KIF13B: variants seen among roughly 807,000 people sequenced by gnomAD.
KIF13B encodes the protein kinesin-like protein KIF13B.
A neutral mutation model predicts 222.0 loss-of-function variants in KIF13B; 127 were observed. The ratio of observed to expected loss-of-function variants is 0.57; its 90% CI spans 0.50 to 0.66. KIF13B has a LOEUF of 0.66. Among genes scored for constraint, KIF13B ranks in the 30% least tolerant of loss-of-function variants. The pLI is 0.00. For missense variants in KIF13B, 2,173 were observed against 2,379.0 expected (o/e 0.91, Z 1.80); for synonymous variants, 976 against 919.0 (o/e 1.06, Z -1.12).
intron 21 of KIF13B, among the ~76,000 whole-genome samples, chr8:29,139,000 C>T (rs1003202151): frequency 6.6e-6 from 1 of 152,026 alleles, no homozygotes; most frequent in Non-Finnish European, 1.5e-5. Context: ...GAACTATTTA[C>T]AGATAAGATA....
At position 29,132,467 on chromosome 8, in the gene KIF13B, T is replaced by C; in HGVS notation, c.2785-2A>G. 1 of 1,493,386 alleles carries C rather than the reference T, an allele frequency of 6.7e-7. No homozygotes were observed. The highest frequency in any genetic ancestry group is 1.4e-5 in the South Asian group (1 of 71,884). 92.5% of individuals were successfully genotyped at this position (1,493,386 alleles called of 1,614,324 possible). On this transcript the variant is annotated splice_acceptor_variant, in intron 22 of 39. Transcript: ENST00000524189. LOFTEE classifies it high-confidence loss of function. ...TTCGGTGATGTTAACAGAAAACTCC[T>C]GAAACACAACAGCTAATTACAGAAG...
At chr8:29,157,392 CAAAAA>C (rs371702237) in intron 13 of KIF13B, among the ~76,000 whole-genome samples, 2 of 89,182 alleles carry the variant, frequency 2.2e-5, no homozygotes. Flanking sequence ...TCGTCTCTAC[CAAAAA>C]AAAAAAAAAA....
chr8:29,200,332 C>T (rs772444164), intron 2 of KIF13B, among the ~76,000 whole-genome samples: 12 of 152,200 alleles, frequency 7.9e-5, no homozygotes, highest in Admixed American at 3.9e-4. Context: ...TTAGAAACCT[C>T]AACTATCCAG....
intron 37 of KIF13B, among the ~76,000 whole-genome samples, chr8:29,083,683 T>G (rs1178594070): frequency 6.6e-6 from 1 of 152,156 alleles, no homozygotes; most frequent in Non-Finnish European, 1.5e-5. Flanking sequence ...CTTTTAACAA[T>G]GACAGGAGTG....
chr8:29,233,597 C>G (rs527467881), intron 2 of KIF13B, among the ~76,000 whole-genome samples: 6 of 152,278 alleles, frequency 3.9e-5, no homozygotes, highest in African/African-American at 1.4e-4. Context: ...TATCAAAACC[C>G]CTTTACACTC....
At chr8:29,111,945 C>T (rs1424594772) in intron 32 of KIF13B, among the ~76,000 whole-genome samples, 2 of 152,152 alleles carry the variant, frequency 1.3e-5, no homozygotes, top group African/African-American at 4.8e-5. Flanking sequence ...GACCGTGCAA[C>T]GACTAACTCT....
chr8:29,188,470 T>C, intron 5 of KIF13B, 45 bp downstream of exon 5: 1 of 1,197,096 alleles, frequency 8.4e-7, no homozygotes, highest in Non-Finnish European at 1.2e-6. Context: ...TTCTATTTTC[T>C]TTCATTGATG....
intron 2 of KIF13B, among the ~76,000 whole-genome samples, chr8:29,205,866 T>G (rs1412298496): frequency 2.0e-5 from 3 of 151,858 alleles, no homozygotes; most frequent in Non-Finnish European, 4.4e-5. Context: ...GAGGATCACT[T>G]GATCCCAGGA....
At chr8:29,241,836 G>A (rs892914419) in intron 2 of KIF13B, among the ~76,000 whole-genome samples, 3 of 151,806 alleles carry the variant, frequency 2.0e-5, no homozygotes. Flanking sequence ...AGTGAAATGC[G>A]AAGATTGAGA....
chr8:29,244,721 T>C (rs1464591608), intron 2 of KIF13B, among the ~76,000 whole-genome samples: 1 of 152,244 alleles, frequency 6.6e-6, no homozygotes, highest in Non-Finnish European at 1.5e-5. Context: ...AATCTTTTCC[T>C]GCCCCAAATT....
intron 1 of KIF13B, 132 bp downstream of exon 1, chr8:29,262,848 C>A (rs1433538532): frequency 4.7e-6 from 3 of 632,176 alleles, no homozygotes; most frequent in Admixed American, 4.3e-5. Context: ...TTTCAGGGTC[C>A]CCGGGCCCCT....
intron 35 of KIF13B, among the ~76,000 whole-genome samples, chr8:29,105,480 T>C (rs1043861614): frequency 3.9e-5 from 6 of 152,108 alleles, no homozygotes; most frequent in Non-Finnish European, 8.8e-5. Flanking sequence ...GTGAAGCCAG[T>C]GGGGGGTCCA....
chr8:29,136,610 AATTAAAAT>A (rs1474261380), intron 21 of KIF13B, among the ~76,000 whole-genome samples: 1 of 151,682 alleles, frequency 6.6e-6, no homozygotes, highest in Non-Finnish European at 1.5e-5. Context: ...TTAATTAATT[AATTAAAAT>A]AAATAAATCT....
intron 6 of KIF13B, among the ~76,000 whole-genome samples, chr8:29,183,168 G>GTTTTT (rs58034349): frequency 1.9e-4 from 22 of 117,680 alleles, no homozygotes; most frequent in Non-Finnish European, 2.8e-4. Flanking sequence ...CTTAAAGTTT[G>GTTTTT]TTTTTTTTTT....
At chr8:29,243,904 GA>G (rs770395231) in intron 2 of KIF13B, among the ~76,000 whole-genome samples, 3 of 152,102 alleles carry the variant, frequency 2.0e-5, no homozygotes, top group African/African-American at 4.8e-5. Flanking sequence ...ATCTTTGTGG[GA>G]AAAAACTTTT....
At chr8:29,253,504 T>C (rs1047727025) in intron 1 of KIF13B, among the ~76,000 whole-genome samples, 4 of 152,072 alleles carry the variant, frequency 2.6e-5, no homozygotes, top group Non-Finnish European at 5.9e-5. Context: ...CATAGTGAGC[T>C]ATGATCACAC....
chr8:29,171,759 C>CA (rs1216587146), intron 10 of KIF13B, among the ~76,000 whole-genome samples: 2 of 128,434 alleles, frequency 1.6e-5, no homozygotes, highest in South Asian at 2.5e-4. Flanking sequence ...TTTTTTTCTT[C>CA]TTTTTTTTTT....
chr8:29,125,400 T>C (rs958301880), intron 26 of KIF13B, among the ~76,000 whole-genome samples: 8 of 152,210 alleles, frequency 5.3e-5, no homozygotes, highest in Non-Finnish European at 7.3e-5. Context: ...GCCTATGACA[T>C]TGTTGTGGAC....
At position 29,147,560 on chromosome 8, in the gene KIF13B, T is replaced by C. The variant is rs1811113658; in HGVS notation, c.1856A>G (p.Glu619Gly). Residue 619 changes from glutamate to glycine, a missense_variant, in exon 17 of 40, where the codon GAA becomes GGA. Coordinates refer to ENST00000524189, the MANE Select transcript of KIF13B (RefSeq NM_015254.4). ...SILNSLEQQH[E>G]EEKRSALERQ... ...CTCCAGTGCAGATCGTTTTTCTTCT[T>C]CATGCTGTTGTTCTAAGCTGTTTAA... The C allele has an allele frequency of 1.2e-6, 2 of 1,613,538 alleles. No homozygotes were observed. Among genetic ancestry groups the C allele is most frequent in the Non-Finnish European group, 1.7e-6 (2 of 1,179,850 alleles).
Sources: allele counts gnomAD v4.1 joint callset (sites outside exome capture counted in the v4.1 genomes callset), GRCh38; gene constraint gnomAD v4.1.1; transcripts MANE v1.5; gene names NCBI Gene and HGNC (gene_info 2026-07-23, HGNC 2026-07-21).